The following PTPRG variants were observed in gnomAD, a reference collection of about 807,000 sequenced individuals.
PTPRG encodes receptor-type tyrosine-protein phosphatase gamma.
In PTPRG, 102 loss-of-function variants were observed where a neutral mutation model predicts 165.3. That is an observed-to-expected ratio of 0.62 (90% CI 0.53 to 0.73). PTPRG has a LOEUF of 0.73. Among genes scored for constraint, PTPRG ranks in the 30% least tolerant of loss-of-function variants. PTPRG has a pLI of 0.00. For synonymous variants in PTPRG, 675 were observed against 669.5 expected (o/e 1.01, Z -0.13); for missense variants, 1,866 against 1,861.4 (o/e 1.00, Z -0.05).
chr3:61,685,363 G>A (rs1269433745), intron 1 of PTPRG, among the ~76,000 whole-genome samples: 1 of 152,226 alleles, frequency 6.6e-6, no homozygotes, highest in African/African-American at 2.4e-5. Context: ...AAAATTAAGA[G>A]TGTCCTTGAT....
intron 14 of PTPRG, among the ~76,000 whole-genome samples, chr3:62,239,034 G>T (rs1344500045): frequency 6.6e-6 from 1 of 152,180 alleles, no homozygotes; most frequent in African/African-American, 2.4e-5. Context: ...AAGGGCAGAG[G>T]TGGAAACATG....
At chr3:61,902,101 C>A (rs151149695) in intron 2 of PTPRG, among the ~76,000 whole-genome samples, 154 of 152,216 alleles carry the variant, frequency 1.0e-3, no homozygotes, top group African/African-American at 3.5e-3. Flanking sequence ...TGGTTATCAC[C>A]CAGTATGAAT....
Position 62,218,925 on chromosome 3 carries a change from G to C in PTPRG, c.2230G>C (p.Val744Leu). ...RMEWIIPLIV[V>L]SALTFVCLIL... ...GGAGTGGATCATCCCTCTGATTGTGGTATCAGCCTTGACCTTCGTGTGCCT... is the reference window on the plus strand; with the variant it reads ...GGAGTGGATCATCCCTCTGATTGTGCTATCAGCCTTGACCTTCGTGTGCCT... Residue 744 changes from valine (V) to leucine (L), a missense_variant, in exon 13 of 30, where the codon GTA becomes CTA. Transcript: ENST00000474889. The C allele has an allele frequency of 2.5e-6, 4 of 1,614,134 alleles. No individual in the cohort carries two copies. Among genetic ancestry groups the C allele is most frequent in the Non-Finnish European group, 3.4e-6 (4 of 1,180,010 alleles).
At chr3:61,817,827 G>T (rs1398533803) in intron 2 of PTPRG, among the ~76,000 whole-genome samples, 9 of 152,214 alleles carry the variant, frequency 5.9e-5, no homozygotes, top group Admixed American at 5.2e-4. Context: ...GGAGCAAGAT[G>T]TGGTGATTTT....
chr3:61,904,158 C>A (rs1401858552), intron 2 of PTPRG, among the ~76,000 whole-genome samples: 1 of 152,142 alleles, frequency 6.6e-6, no homozygotes, highest in African/African-American at 2.4e-5. Context: ...TCCTGTCCTT[C>A]CTCATTTTTA....
intron 1 of PTPRG, 145 bp from the exon 2 acceptor site, chr3:61,748,733 T>G: frequency 1.6e-6 from 1 of 611,464 alleles, no homozygotes. Context: ...ATAGTTTTTT[T>G]TTTTTTTGTA....
At chr3:61,601,623 CAT>C (rs1440197861) in intron 1 of PTPRG, among the ~76,000 whole-genome samples, 1 of 152,170 alleles carries the variant, frequency 6.6e-6, no homozygotes, top group Non-Finnish European at 1.5e-5. Flanking sequence ...CCATCCATCT[CAT>C]ATTTATTGAG....
At chr3:62,084,068 C>G (rs1701666475) in intron 5 of PTPRG, among the ~76,000 whole-genome samples, 1 of 151,910 alleles carries the variant, frequency 6.6e-6, no homozygotes, top group Admixed American at 6.5e-5. Flanking sequence ...TCTTCAAGAG[C>G]ATCTACATTA....
intron 24 of PTPRG, 59 bp from the exon 25 acceptor site, chr3:62,276,913 T>C (rs1702249798): frequency 1.6e-6 from 2 of 1,270,950 alleles, no homozygotes; most frequent in Non-Finnish European, 2.3e-6. Context: ...CAGAAAGAGC[T>C]GTTGGTTCTG....
chr3:62,038,246 A>T (rs1033740808), intron 4 of PTPRG, among the ~76,000 whole-genome samples: 2 of 152,240 alleles, frequency 1.3e-5, no homozygotes, highest in Non-Finnish European at 2.9e-5. Flanking sequence ...TTGTTTGCAC[A>T]ATCTCTCCCT....
Position 62,271,645 on chromosome 3 carries a change from CT to C in PTPRG, c.3182+92del. The C allele has an allele frequency of 8.2e-7, 1 of 1,218,730 alleles. No homozygotes were observed. Among genetic ancestry groups the C allele is most frequent in the Non-Finnish European group, 1.1e-6 (1 of 882,686 alleles). The allele number at this position is 1,218,730 out of a possible 1,614,324, so 75.5% of individuals were successfully genotyped here. A position where few individuals can be genotyped will look rare whatever the true frequency, so the allele number is the denominator to read the frequency against. On this transcript the variant is annotated intron_variant, in intron 21 of 29. Coordinates refer to ENST00000474889, the MANE Select transcript of PTPRG (RefSeq NM_002841.4). This position sits in a 1 kb window ranked among gnomAD's most constrained non-coding sequence, Gnocchi z 4.1. Reference sequence around the variant, plus strand: ...ACCACAATGATTGCTACTGCTTTCACTTAGAAGCTGAATCTTCCACTGGAAA... The same window carrying C: ...ACCACAATGATTGCTACTGCTTTCACTAGAAGCTGAATCTTCCACTGGAAA...
At chr3:61,880,879 C>G (rs186511571) in intron 2 of PTPRG, among the ~76,000 whole-genome samples, 1 of 151,212 alleles carries the variant, frequency 6.6e-6, no homozygotes, top group Non-Finnish European at 1.5e-5. Flanking sequence ...TATTGGGTCT[C>G]TTTATCCCAG....
chr3:61,832,449 G>T (rs2036326771), intron 2 of PTPRG, among the ~76,000 whole-genome samples: 1 of 152,124 alleles, frequency 6.6e-6, no homozygotes, highest in Admixed American at 6.6e-5. Flanking sequence ...AGCATCTGGG[G>T]CAGGGTCATA....
chr3:62,278,225 A>T (rs1702300166), intron 26 of PTPRG, among the ~76,000 whole-genome samples: 1 of 152,056 alleles, frequency 6.6e-6, no homozygotes, highest in Non-Finnish European at 1.5e-5. Flanking sequence ...ATGCTTATAT[A>T]ATCATTTTAC....
At chr3:62,171,783 T>C (rs903207618) in intron 8 of PTPRG, among the ~76,000 whole-genome samples, 31 of 152,210 alleles carry the variant, frequency 2.0e-4, no homozygotes, top group African/African-American at 7.2e-4. Context: ...CACATCAGTG[T>C]TTTTTACTGT....
chr3:61,889,580 A>T (rs146531240), intron 2 of PTPRG, among the ~76,000 whole-genome samples: 8 of 152,340 alleles, frequency 5.3e-5, no homozygotes, highest in Middle Eastern at 3.4e-3. Context: ...TGTTGCCCAT[A>T]TGAAAAGCTG....
chr3:61,770,058 T>A (rs938703106), intron 2 of PTPRG: 1 of 152,198 alleles, frequency 6.6e-6, no homozygotes, highest in Non-Finnish European at 1.5e-5. Flanking sequence ...TCCAGAAGTT[T>A]CCTTATTGCA....
At chr3:61,915,588 A>T (rs1184379255) in intron 2 of PTPRG, among the ~76,000 whole-genome samples, 4 of 152,222 alleles carry the variant, frequency 2.6e-5, no homozygotes, top group Non-Finnish European at 5.9e-5. Context: ...TCAGCACAAT[A>T]AAGTTTGTAA....
At chr3:62,107,325 T>G (rs1460785084) in intron 5 of PTPRG, among the ~76,000 whole-genome samples, 1 of 152,186 alleles carries the variant, frequency 6.6e-6, no homozygotes, top group Non-Finnish European at 1.5e-5. Flanking sequence ...GATTTTTGTG[T>G]CCCCAAGTTT....
Sources: gnomAD v4.1 joint callset for allele counts (sites outside exome capture counted in the v4.1 genomes callset) on GRCh38, gnomAD v4.1.1 for gene constraint, Gnocchi (gnomAD v3.1) non-coding constraint, MANE v1.5 for transcripts, NCBI Gene and HGNC (gene_info 2026-07-23, HGNC 2026-07-21) for gene names.